The following NALCN variants were observed in gnomAD, a reference collection of about 807,000 sequenced individuals.
NALCN encodes sodium leak channel NALCN.
Under a neutral mutation model 225.3 loss-of-function variants are expected in NALCN, and 111 were observed. The observed-to-expected ratio is 0.49, with a 90% CI of 0.42 to 0.58. The LOEUF (loss-of-function observed/expected upper bound fraction) is 0.58, where lower values mean the gene tolerates loss of function less well. NALCN is among the 20% of genes least tolerant of loss of function. The probability of loss-of-function intolerance (pLI) is 0.00; values close to 1 mark genes in which losing one functional copy is unlikely to be tolerated. For synonymous variants in NALCN, 764 were observed against 769.0 expected (o/e 0.99, Z 0.11); for missense variants, 1,378 against 2,202.4 (o/e 0.63, Z 7.49).
chr13:101,258,089 T>A (rs1184183023), intron 11 of NALCN, among the ~76,000 whole-genome samples: 1 of 152,160 alleles, frequency 6.6e-6, no homozygotes, highest in Non-Finnish European at 1.5e-5. Context: ...ATTTATGATC[T>A]TCTGAATCTG....
chr13:101,320,886 C>T (rs1424552650), intron 7 of NALCN, among the ~76,000 whole-genome samples: 11 of 152,070 alleles, frequency 7.2e-5, no homozygotes, highest in South Asian at 2.1e-4. Context: ...AATATCTTGT[C>T]GCATATCTTT....
chr13:101,065,197 C>T (rs2032273840), intron 40 of NALCN, among the ~76,000 whole-genome samples: 1 of 152,204 alleles, frequency 6.6e-6, no homozygotes, highest in Admixed American at 6.5e-5. Context: ...CCCAGCCCTC[C>T]CCTGCGAGGC....
chr13:101,179,525 G>A (rs1446949129), intron 14 of NALCN, among the ~76,000 whole-genome samples: 1 of 152,152 alleles, frequency 6.6e-6, no homozygotes, highest in Non-Finnish European at 1.5e-5. Context: ...GTCCTTTCAA[G>A]CTCAGTTACA....
intron 10 of NALCN, among the ~76,000 whole-genome samples, chr13:101,259,723 A>G (rs1054863107): frequency 2.2e-5 from 2 of 91,696 alleles, no homozygotes; most frequent in Admixed American, 2.6e-4. Flanking sequence ...TTGTGGGTAC[A>G]TAGTAAGTGT....
chr13:101,332,580 T>A (rs2045223529), intron 7 of NALCN, among the ~76,000 whole-genome samples: 1 of 152,146 alleles, frequency 6.6e-6, no homozygotes, highest in South Asian at 2.1e-4. Context: ...TAAAGCCATT[T>A]TCAGAAAAGT....
intron 13 of NALCN, among the ~76,000 whole-genome samples, chr13:101,218,807 G>A (rs1594460870): frequency 6.6e-6 from 1 of 152,128 alleles, no homozygotes; most frequent in East Asian, 1.9e-4. Flanking sequence ...GTTTCCCCAG[G>A]AGCCAAGCAG....
At chr13:101,394,355 A>G (rs2047224786) in intron 3 of NALCN, among the ~76,000 whole-genome samples, 1 of 152,198 alleles carries the variant, frequency 6.6e-6, no homozygotes, top group East Asian at 1.9e-4. Flanking sequence ...AAATCCTTGT[A>G]CAAAATAAAA....
intron 34 of NALCN, among the ~76,000 whole-genome samples, chr13:101,077,204 G>A (rs527363277): frequency 7.2e-5 from 11 of 152,190 alleles, no homozygotes; most frequent in East Asian, 1.9e-4. Context: ...ATTAAACCTC[G>A]TTCCTTTATA....
In NALCN at chr13:101,058,054, T is replaced by G; in HGVS notation, c.4908A>C (p.Thr1636=). ...GGCTCAGGAGCTGCTGCTGGCTGCT[T>G]GTCTGCATGGGAGGAGAAGCACACA... ...NSQDNSMQPE[T]SSQQQLLSPT... Residue 1636 remains threonine, a splice_region_variant and synonymous_variant, in exon 43 of 44, where the codon ACA becomes ACC. Coordinates refer to ENST00000251127, the MANE Select transcript of NALCN (RefSeq NM_052867.4). 1 of 1,612,088 alleles carries G rather than the reference T, an allele frequency of 6.2e-7. No individual in the cohort carries two copies. The highest frequency in any genetic ancestry group is 1.1e-5 in the South Asian group (1 of 91,040).
chr13:101,190,562 A>T lies in NALCN; in HGVS notation c.1764+1355T>A, dbSNP rs955417285. Among the ~76,000 whole-genome samples, 8 of 152,216 alleles carry T rather than the reference A, an allele frequency of 5.3e-5. No individual in the cohort carries two copies. The South Asian group carries it at 6.2e-4, about 12-fold the overall frequency. On this transcript the variant is annotated intron_variant, in intron 14 of 43. Transcript: ENST00000251127. Reference sequence around the variant, plus strand: ...TCTTTCGCGTAACTTTTAAAAGTCAACTCCATGTATAAAAAGGCCAAAACT... The same window carrying T: ...TCTTTCGCGTAACTTTTAAAAGTCATCTCCATGTATAAAAAGGCCAAAACT...
chr13:101,068,745 A>G lies in NALCN; in HGVS notation c.4280T>C (p.Phe1427Ser). 1 of 1,612,478 alleles carries G rather than the reference A, an allele frequency of 6.2e-7. No homozygotes were observed. Among genetic ancestry groups the G allele is most frequent in the Non-Finnish European group, 8.5e-7 (1 of 1,179,378 alleles). ...CGNYAGALMY[F>S]CSFYVIIAYI... ...GGCAATGATGACATAAAATGAACAG[A>G]AATACATAAGTGCCCCAGCATAATT... The change falls in exon 38 of 44, where the codon TTC becomes TCC. Residue 1427 changes from phenylalanine to serine, a missense_variant. Around this residue, in one of 19 missense-constraint regions of NALCN, gnomAD observed 76 missense variants for 118.7 expected, o/e 0.64. Coordinates refer to ENST00000251127, the MANE Select transcript of NALCN (RefSeq NM_052867.4).
At chr13:101,367,030 G>A (rs2046395911) in intron 6 of NALCN, among the ~76,000 whole-genome samples, 1 of 152,098 alleles carries the variant, frequency 6.6e-6, no homozygotes, top group Admixed American at 6.6e-5. Flanking sequence ...AGATCATGCA[G>A]TATTGATCTT....
At chr13:101,060,401 C>T (rs541792725) in intron 41 of NALCN, among the ~76,000 whole-genome samples, 8 of 148,640 alleles carry the variant, frequency 5.4e-5, no homozygotes, top group Admixed American at 6.7e-5. Flanking sequence ...GCCTCAGCCT[C>T]CTGAGAAGCT....
At chr13:101,314,008 G>T (rs2044456470) in intron 7 of NALCN, among the ~76,000 whole-genome samples, 1 of 151,952 alleles carries the variant, frequency 6.6e-6, no homozygotes, top group South Asian at 2.1e-4. Context: ...CATGTCCTTT[G>T]TAGGGACATG....
In NALCN at chr13:101,067,271, C is replaced by A. The variant is rs148531504; in HGVS notation, c.4446+647G>T. Among the ~76,000 whole-genome samples, 7 of 68,590 alleles carry A rather than the reference C, an allele frequency of 1.0e-4. No homozygotes were observed. In the South Asian group the frequency reaches 1.5e-3, roughly 15 times the overall value. The allele number at this position is 68,590 out of a possible 152,430, so 45.0% of individuals were successfully genotyped here. A position where few individuals can be genotyped will look rare whatever the true frequency, so the allele number is the denominator to read the frequency against. ...AAGATGAGGTGGAAGAGGAGGTGGA[C>A]GAGGAGGAGGGGGAAGAGGAGGGGG... On this transcript the variant is annotated intron_variant, in intron 39 of 43. Transcript: ENST00000251127.
intron 7 of NALCN, among the ~76,000 whole-genome samples, chr13:101,341,211 A>G (rs896721233): frequency 1.3e-5 from 2 of 152,208 alleles, no homozygotes; most frequent in African/African-American, 4.8e-5. Context: ...CTAGCTCATG[A>G]TAAGAAATTC....
At chr13:101,395,510 G>T in intron 2 of NALCN, 145 bp from the exon 3 acceptor site, 1 of 694,880 alleles carries the variant, frequency 1.4e-6, no homozygotes, top group Non-Finnish European at 2.3e-6. Flanking sequence ...CTAACACTAA[G>T]TGCATATAAT....
At chr13:101,200,297 A>C (rs1363978461) in intron 13 of NALCN, among the ~76,000 whole-genome samples, 2 of 152,162 alleles carry the variant, frequency 1.3e-5, no homozygotes, top group South Asian at 4.1e-4. Flanking sequence ...GACCCTGAAG[A>C]CATCTTTGGT....
intron 7 of NALCN, among the ~76,000 whole-genome samples, chr13:101,342,732 T>C (rs2045596424): frequency 6.6e-6 from 1 of 152,210 alleles, no homozygotes; most frequent in Non-Finnish European, 1.5e-5. Flanking sequence ...TCAATCTTCT[T>C]GATATTTGGA....
Sources: allele counts gnomAD v4.1 joint callset (sites outside exome capture counted in the v4.1 genomes callset), GRCh38; gene constraint gnomAD v4.1.1; regional missense constraint gnomAD v4.1.1; transcripts MANE v1.5; gene names NCBI Gene and HGNC (gene_info 2026-07-23, HGNC 2026-07-21).